COL21A1: variants seen among roughly 807,000 people sequenced by gnomAD.
COL21A1 encodes the protein collagen alpha-1(XXI) chain.
Under a neutral mutation model 137.9 loss-of-function variants are expected in COL21A1, and 149 were observed. The observed-to-expected ratio is 1.08, with a 90% CI of 0.95 to 1.24. COL21A1 has a LOEUF of 1.24. COL21A1 is among the 50% of genes most tolerant of loss of function. COL21A1 has a pLI of 0.00. For synonymous variants in COL21A1, 456 were observed against 391.5 expected (o/e 1.16, Z -1.95); for missense variants, 1,167 against 1,158.4 (o/e 1.01, Z -0.11).
intron 20 of COL21A1, among the ~76,000 whole-genome samples, chr6:56,071,846 A>G (rs188260993): frequency 6.6e-6 from 1 of 151,716 alleles, no homozygotes; most frequent in African/African-American, 2.4e-5. Context: ...TTATATGTGC[A>G]GGATGTGCAG....
chr6:56,060,833 A>T (rs1765728567), intron 26 of COL21A1, 38 bp from the exon 27 acceptor site: 1 of 1,587,354 alleles, frequency 6.3e-7, no homozygotes. Context: ...ATGCACATAA[A>T]GAACATGAGC....
In COL21A1 at chr6:56,208,852, G is replaced by A. The variant is rs145418369; in HGVS notation, c.-38-26196C>T. Among the ~76,000 whole-genome samples, 1,259 of 152,128 alleles carry A rather than the reference G, an allele frequency of 8.3e-3. 20 individuals carry two copies. The highest frequency in any genetic ancestry group is 0.029 in the African/African-American group (1,214 of 41,490). ...ATACAGACCGACGGAACAGAACAGAGGCCTCAGAAATAACACCACACATCT... is the reference window on the plus strand; with the variant it reads ...ATACAGACCGACGGAACAGAACAGAAGCCTCAGAAATAACACCACACATCT... On this transcript the variant is annotated intron_variant, in intron 1 of 29. Coordinates refer to ENST00000244728, the MANE Select transcript of COL21A1 (RefSeq NM_030820.4).
chr6:56,358,468 T>C (rs1354944743), intron 1 of COL21A1, among the ~76,000 whole-genome samples: 2 of 152,180 alleles, frequency 1.3e-5, no homozygotes, highest in Non-Finnish European at 2.9e-5. Flanking sequence ...AAAGTGTAAT[T>C]TGATTTATAT....
At chr6:56,109,513 T>A (rs1260336052) in intron 16 of COL21A1, among the ~76,000 whole-genome samples, 1 of 151,714 alleles carries the variant, frequency 6.6e-6, no homozygotes, top group Admixed American at 6.6e-5. Context: ...AGAGAAAGAA[T>A]GCTTAAACAG....
At chr6:56,194,568 T>C (rs1462777981) in intron 1 of COL21A1, among the ~76,000 whole-genome samples, 1 of 151,992 alleles carries the variant, frequency 6.6e-6, no homozygotes, top group Admixed American at 6.5e-5. Context: ...TGCAAAATGG[T>C]AAATAAGAAA....
Position 56,179,963 on chromosome 6 carries a change from A to G in COL21A1, c.255T>C (p.Pro85=). 6.2e-7 allele frequency: 1 copy of G among 1,613,956 alleles called. No homozygotes were observed. The change falls in exon 3 of 30, where the codon CCT becomes CCC. Residue 85 remains proline, a synonymous_variant. Coordinates refer to ENST00000244728, the MANE Select transcript of COL21A1 (RefSeq NM_030820.4). The part of the protein sequence containing the change: ...QVGVVQYSDY[P]VLEIPLGSYD... ...AGCTTCCGAGAGGAATCTCCAGCACAGGGTAGTCACTATATTGAACCACTC... is the reference window on the plus strand; with the variant it reads ...AGCTTCCGAGAGGAATCTCCAGCACGGGGTAGTCACTATATTGAACCACTC...
chr6:56,185,765 T>G (rs1316027428), intron 1 of COL21A1, among the ~76,000 whole-genome samples: 1 of 152,208 alleles, frequency 6.6e-6, no homozygotes, highest in African/African-American at 2.4e-5. Context: ...CACTATTTAT[T>G]GAAATTGGTC....
At chr6:56,290,829 C>G (rs1414466892) in intron 1 of COL21A1, among the ~76,000 whole-genome samples, 2 of 152,114 alleles carry the variant, frequency 1.3e-5, no homozygotes, top group Non-Finnish European at 2.9e-5. Context: ...ACTGACAACC[C>G]AATGCTTAGG....
At chr6:56,240,909 C>T (rs6903416) in intron 1 of COL21A1, among the ~76,000 whole-genome samples, 26,430 of 152,118 alleles carry the variant, frequency 0.17, 2,720 homozygotes, top group Non-Finnish European at 0.24. Flanking sequence ...TCACACTTCA[C>T]ACTCACATGT....
chr6:56,219,998 T>G (rs1324412929), intron 1 of COL21A1, among the ~76,000 whole-genome samples: 2 of 152,092 alleles, frequency 1.3e-5, no homozygotes, highest in African/African-American at 4.8e-5. Context: ...GAAAAAGAGT[T>G]TTTAGAGGGT....
chr6:56,179,127 A>T (rs1777705488), intron 3 of COL21A1, among the ~76,000 whole-genome samples: 1 of 152,060 alleles, frequency 6.6e-6, no homozygotes, highest in Non-Finnish European at 1.5e-5. Context: ...TTATATATGC[A>T]ATAGTATCTT....
At chr6:56,135,287 G>A (rs1361873733) in intron 12 of COL21A1, among the ~76,000 whole-genome samples, 1 of 151,930 alleles carries the variant, frequency 6.6e-6, no homozygotes, top group African/African-American at 2.4e-5. Context: ...AAGGATCACA[G>A]CCCAGTAGGA....
intron 1 of COL21A1, among the ~76,000 whole-genome samples, chr6:56,291,082 G>A (rs1369615451): frequency 1.3e-5 from 2 of 152,112 alleles, no homozygotes; most frequent in Non-Finnish European, 2.9e-5. Context: ...GCATCACTCA[G>A]GGTCAAGGGA....
intron 10 of COL21A1, among the ~76,000 whole-genome samples, chr6:56,145,842 C>A (rs890167300): frequency 1.3e-5 from 2 of 150,650 alleles, no homozygotes; most frequent in Non-Finnish European, 3.0e-5. Context: ...CAGAAAACTT[C>A]TTTATAAATG....
intron 1 of COL21A1, among the ~76,000 whole-genome samples, chr6:56,235,069 G>C (rs529843199): frequency 6.6e-6 from 1 of 151,736 alleles, no homozygotes; most frequent in Non-Finnish European, 1.5e-5. Flanking sequence ...TCCATTCATA[G>C]CTCTAAGGCT....
At chr6:56,142,708 T>C (rs1187880569) in intron 10 of COL21A1, among the ~76,000 whole-genome samples, 1 of 152,150 alleles carries the variant, frequency 6.6e-6, no homozygotes, top group Non-Finnish European at 1.5e-5. Flanking sequence ...TTTATCTAGG[T>C]TTCTTAGGGC....
chr6:56,334,431 A>G (rs1418550238), intron 1 of COL21A1, among the ~76,000 whole-genome samples: 1 of 152,170 alleles, frequency 6.6e-6, no homozygotes, highest in Non-Finnish European at 1.5e-5. Flanking sequence ...CAAGGAAAAC[A>G]CAACAATTTT....
intron 12 of COL21A1, among the ~76,000 whole-genome samples, chr6:56,130,191 AT>A (rs1773431045): frequency 7.0e-5 from 1 of 14,202 alleles, no homozygotes; most frequent in African/African-American, 1.9e-4. Flanking sequence ...ATATATATAT[AT>A]ATATATATAT....
intron 1 of COL21A1, among the ~76,000 whole-genome samples, chr6:56,272,022 C>A (rs188986418): frequency 1.2e-4 from 19 of 152,320 alleles, no homozygotes; most frequent in African/African-American, 4.1e-4. Context: ...TAGGGCAGTG[C>A]AGAAGGGAAA....
Sources: gnomAD v4.1 joint callset for allele counts (sites outside exome capture counted in the v4.1 genomes callset) on GRCh38, gnomAD v4.1.1 for gene constraint, MANE v1.5 for transcripts, NCBI Gene and HGNC (gene_info 2026-07-23, HGNC 2026-07-21) for gene names.